The following AZIN1 variants were observed in gnomAD, a reference collection of about 807,000 sequenced individuals.
AZIN1 encodes the protein ornithine decarboxylase antizyme inhibitor.
AZIN1 carries 12 observed loss-of-function variants against 47.4 expected under a neutral mutation model. The observed-to-expected ratio is 0.25, with a 90% confidence interval of 0.16 to 0.41. The LOEUF is 0.41. AZIN1 is among the 10% of genes least tolerant of loss of function. The probability of loss-of-function intolerance (pLI) is 1.00; values close to 1 mark genes in which losing one functional copy is unlikely to be tolerated. For missense variants in AZIN1, 410 were observed against 532.4 expected (o/e 0.77, Z 2.26); for synonymous variants, 155 against 176.3 (o/e 0.88, Z 0.96).
intron 6 of AZIN1, 55 bp from the exon 7 acceptor site, chr8:102,834,802 C>G: frequency 8.3e-7 from 1 of 1,197,838 alleles, no homozygotes; most frequent in Non-Finnish European, 1.2e-6. Context: ...GAGACACCTC[C>G]TGTAATTTCT....
At chr8:102,863,049 T>A (rs931489062) in intron 1 of AZIN1, among the ~76,000 whole-genome samples, 9 of 152,134 alleles carry the variant, frequency 5.9e-5, no homozygotes, top group African/African-American at 2.2e-4. Flanking sequence ...AGGAGGTGAC[T>A]GGGGTGAGTG....
chr8:102,855,140 C>T (rs1018378692), intron 2 of AZIN1, among the ~76,000 whole-genome samples: 43 of 152,090 alleles, frequency 2.8e-4, no homozygotes, highest in African/African-American at 9.2e-4. Flanking sequence ...CTGCAGCCTC[C>T]GCCTCCCAGA....
chr8:102,830,985 A>G (rs187402796), intron 9 of AZIN1, among the ~76,000 whole-genome samples: 14 of 152,292 alleles, frequency 9.2e-5, no homozygotes, highest in Non-Finnish European at 1.5e-5. Context: ...GAAAACGCCC[A>G]TTCTACTCAC....
chr8:102,843,212 A>C (rs1420422102), intron 3 of AZIN1, among the ~76,000 whole-genome samples: 1 of 147,092 alleles, frequency 6.8e-6, no homozygotes, highest in East Asian at 1.9e-4. Flanking sequence ...CTCCAAAAAA[A>C]AAAAAAAAAA....
In AZIN1 at chr8:102,834,169, T is replaced by C. The variant is rs757828781; in HGVS notation, c.741+20A>G. The C allele has an allele frequency of 4.3e-5, 68 of 1,595,780 alleles. No homozygotes were observed. In the East Asian group the frequency reaches 1.5e-3, roughly 34 times the overall value. On this transcript the variant is annotated intron_variant, in intron 8 of 11. Coordinates refer to ENST00000337198, the MANE Select transcript of AZIN1 (RefSeq NM_148174.4). ...AAAGAAAGCAATTATTCTGTTAATGTCATCTACTGAGAAGTTTACCTCTTC... is the reference window on the plus strand; with the variant it reads ...AAAGAAAGCAATTATTCTGTTAATGCCATCTACTGAGAAGTTTACCTCTTC...
chr8:102,848,512 T>C (rs1812728949), intron 2 of AZIN1, among the ~76,000 whole-genome samples: 1 of 152,150 alleles, frequency 6.6e-6, no homozygotes, highest in South Asian at 2.1e-4. Flanking sequence ...AGTGCTGATA[T>C]TACCAGTGTG....
chr8:102,860,767 T>C (rs1813595569), intron 1 of AZIN1, among the ~76,000 whole-genome samples: 2 of 152,200 alleles, frequency 1.3e-5, no homozygotes, highest in African/African-American at 4.8e-5. Flanking sequence ...GAAAACACAA[T>C]GCCTTTACCA....
rs1354268834 is a variant in AZIN1, at chr8:102,863,399, C to G, written c.-234+408G>C. Among the ~76,000 whole-genome samples the G allele has an allele frequency of 2.0e-5, 3 of 151,846 alleles. No individual in the cohort carries two copies. In the East Asian group the frequency reaches 5.8e-4, roughly 29 times the overall value. ...CACCGCGGAGTAGGGGCTGCGGGAC[C>G]CCGGCCCCTCAGGGCTGCGGCCGGG... On this transcript the variant is annotated intron_variant, in intron 1 of 11. Transcript: ENST00000337198.
At chr8:102,829,753 G>T in intron 10 of AZIN1, 68 bp downstream of exon 10, 1 of 1,179,964 alleles carries the variant, frequency 8.5e-7, no homozygotes, top group Non-Finnish European at 1.2e-6. Context: ...AAACTGGGAA[G>T]CATCTTAAAA....
At chr8:102,832,870 G>A (rs1263446438) in intron 9 of AZIN1, among the ~76,000 whole-genome samples, 186 bp downstream of exon 9, 1 of 152,094 alleles carries the variant, frequency 6.6e-6, no homozygotes, top group Non-Finnish European at 1.5e-5. Context: ...TCGAACTCCT[G>A]ACCTTGTGAT....
chr8:102,839,609 AT>A (rs764791488), intron 4 of AZIN1, 40 bp downstream of exon 4: 39 of 1,401,840 alleles, frequency 2.8e-5, no homozygotes, highest in Non-Finnish European at 3.5e-5. Context: ...AAGTTAAATT[AT>A]TCAATGTTTC....
At position 102,834,259 on chromosome 8, in the gene AZIN1, T is replaced by G; in HGVS notation, c.671A>C (p.Glu224Ala). Residue 224 changes from glutamate to alanine, a missense_variant, in exon 8 of 12, where the codon GAA (glutamate) becomes GCA (alanine). Coordinates refer to ENST00000337198, the MANE Select transcript of AZIN1 (RefSeq NM_148174.4). ...DARCVFDMAG[E>A]IGFTMNMLDI... Reference sequence around the variant, plus strand: ...TAACATGTTCATCGTAAAGCCAATTTCTCCCTAGAGATGGAAAAAAAAAAT... The same window carrying G: ...TAACATGTTCATCGTAAAGCCAATTGCTCCCTAGAGATGGAAAAAAAAAAT... 6.2e-7 allele frequency: 1 copy of G among 1,610,946 alleles called. No individual in the cohort carries two copies. The highest frequency in any genetic ancestry group is 1.1e-5 in the South Asian group (1 of 90,846).
At chr8:102,861,429 T>C (rs995263930) in intron 1 of AZIN1, among the ~76,000 whole-genome samples, 3 of 151,696 alleles carry the variant, frequency 2.0e-5, no homozygotes, top group Non-Finnish European at 2.9e-5. Context: ...AGTTTCAGCA[T>C]GTTAGCCAGG....
chr8:102,842,918 C>CA (rs141858677), intron 3 of AZIN1, among the ~76,000 whole-genome samples: 6,364 of 146,868 alleles, frequency 0.043, 473 homozygotes, highest in African/African-American at 0.15. Context: ...AACAAGCAAG[C>CA]AAAAAAAAAG....
chr8:102,829,040 T>C (rs1366923371), intron 11 of AZIN1, among the ~76,000 whole-genome samples: 1 of 152,242 alleles, frequency 6.6e-6, no homozygotes, highest in Non-Finnish European at 1.5e-5. Context: ...TACAGGTTTG[T>C]AGCCTAGGAT....
intron 2 of AZIN1, among the ~76,000 whole-genome samples, chr8:102,853,921 C>T (rs779825319): frequency 6.6e-6 from 1 of 152,040 alleles, no homozygotes; most frequent in Non-Finnish European, 1.5e-5. Context: ...TGAAATTTTC[C>T]CCTTTCTCTG....
chr8:102,841,814 A>C (rs1248106680), intron 3 of AZIN1, among the ~76,000 whole-genome samples: 1 of 149,988 alleles, frequency 6.7e-6, no homozygotes, highest in Non-Finnish European at 1.5e-5. Context: ...ATAAAAAAAA[A>C]AAAAAAAAAG....
chr8:102,858,603 ACTC>A (rs1276870012), intron 1 of AZIN1, among the ~76,000 whole-genome samples: 2 of 152,024 alleles, frequency 1.3e-5, no homozygotes, highest in Non-Finnish European at 1.5e-5. Flanking sequence ...ACACTCTTTT[ACTC>A]CTCAAATATT....
At chr8:102,858,696 C>A (rs998299571) in intron 1 of AZIN1, among the ~76,000 whole-genome samples, 1 of 152,150 alleles carries the variant, frequency 6.6e-6, no homozygotes, top group African/African-American at 2.4e-5. Context: ...ATATATGTAT[C>A]TAACATAACT....
Sources: gnomAD v4.1 joint callset for allele counts (sites outside exome capture counted in the v4.1 genomes callset) on GRCh38, gnomAD v4.1.1 for gene constraint, MANE v1.5 for transcripts, NCBI Gene and HGNC (gene_info 2026-07-23, HGNC 2026-07-21) for gene names.